The following SGCD variants were observed in gnomAD, a reference collection of about 807,000 sequenced individuals.
The protein encoded by SGCD is sarcoglycan delta, also known as delta-sarcoglycan.
A neutral mutation model predicts 36.6 loss-of-function variants in SGCD; 18 were observed. The ratio of observed to expected loss-of-function variants is 0.49; its 90% CI spans 0.34 to 0.73. SGCD has a LOEUF of 0.73. SGCD is among the 30% of genes least tolerant of loss of function. The pLI, the probability that SGCD is intolerant of heterozygous loss-of-function variation, is 0.01. For missense variants in SGCD, 387 were observed against 346.7 expected (o/e 1.12, Z -0.92); for synonymous variants, 133 against 130.6 (o/e 1.02, Z -0.12).
At chr5:156,178,676 AG>A (rs1326300460) in intron 3 of SGCD, among the ~76,000 whole-genome samples, 1 of 152,152 alleles carries the variant, frequency 6.6e-6, no homozygotes, top group Admixed American at 6.5e-5. Context: ...TCTGGGTTCA[AG>A]CAATTCTCCT....
intron 1 of SGCD, among the ~76,000 whole-genome samples, chr5:156,110,868 T>C (rs1761765870): frequency 6.6e-6 from 1 of 152,166 alleles, no homozygotes. Context: ...GATTTGACCC[T>C]GCTTGAAAAG....
intron 3 of SGCD, among the ~76,000 whole-genome samples, chr5:156,314,554 C>T (rs2127692670): frequency 6.6e-6 from 1 of 152,110 alleles, no homozygotes. Context: ...TCTACTCCAG[C>T]CTAGGCAGTA....
At chr5:156,000,617 C>T (rs1320210558) in intron 1 of SGCD, among the ~76,000 whole-genome samples, 1 of 151,960 alleles carries the variant, frequency 6.6e-6, no homozygotes, top group South Asian at 2.1e-4. Context: ...CACAATCCTG[C>T]CTTTCCTCTT....
At chr5:156,056,649 A>AAAAAAAAAAAAAAAAAAAAAAAAAAAAC (rs1760067868) in intron 1 of SGCD, among the ~76,000 whole-genome samples, 2 of 129,384 alleles carry the variant, frequency 1.5e-5, no homozygotes, top group East Asian at 4.0e-4. Context: ...TATCCTTAAA[A>AAAAAAAAAAAAAAAAAAAAAAAAAAAAC]AAAAAAAAAA....
the SGCD span, among the ~76,000 whole-genome samples, chr5:155,834,778 G>T: frequency 6.6e-6 from 1 of 151,618 alleles, no homozygotes; most frequent in Non-Finnish European, 1.5e-5. Context: ...TGTGGTAAGT[G>T]CACTGTAGCA....
chr5:156,679,929 T>G (rs1202905746), intron 7 of SGCD, among the ~76,000 whole-genome samples: 1 of 152,198 alleles, frequency 6.6e-6, no homozygotes, highest in Non-Finnish European at 1.5e-5. Flanking sequence ...CCTATCAAAG[T>G]ATTTTCTCAA....
intron 3 of SGCD, among the ~76,000 whole-genome samples, chr5:156,379,190 G>A (rs75464312): frequency 6.6e-6 from 1 of 152,138 alleles, no homozygotes; most frequent in East Asian, 1.9e-4. Flanking sequence ...CATTAAACAA[G>A]ATAAAAAGGA....
chr5:156,145,697 A>G (rs903887029), intron 3 of SGCD, among the ~76,000 whole-genome samples: 3 of 152,222 alleles, frequency 2.0e-5, no homozygotes, highest in Non-Finnish European at 4.4e-5. Context: ...CAAGAAGGAT[A>G]CACTCAAGAA....
At chr5:156,673,841 G>C (rs1193301487) in intron 7 of SGCD, among the ~76,000 whole-genome samples, 1 of 152,120 alleles carries the variant, frequency 6.6e-6, no homozygotes, top group Non-Finnish European at 1.5e-5. Flanking sequence ...ATAGATTTTT[G>C]CCATGACATG....
At chr5:155,869,844 C>T (rs896669360), upstream of SGCD, among the ~76,000 whole-genome samples, 13 of 152,150 alleles carry the variant, frequency 8.5e-5, no homozygotes, top group African/African-American at 2.9e-4. Flanking sequence ...ACTAAAAATA[C>T]AAAAATTAGC....
In SGCD at chr5:156,254,620, G is replaced by A. The variant is rs73302625; in HGVS notation, c.-43-74914G>A. 5.5e-3 allele frequency among the ~76,000 whole-genome samples: 832 copies of A among 152,262 alleles called. 12 individuals carry two copies. Among genetic ancestry groups the A allele is most frequent in the African/African-American group, 0.019 (805 of 41,546 alleles). On this transcript the variant is annotated intron_variant, in intron 3 of 9. Transcript: ENST00000517913. ...TCCCAGTGATTTGAGAGGCTGAGGT[G>A]GGAGAATGGCTTGGGCCCAGGAGTT...
At chr5:155,762,395 A>G in the SGCD span, among the ~76,000 whole-genome samples, 2 of 152,358 alleles carry the variant, frequency 1.3e-5, no homozygotes, top group Middle Eastern at 3.4e-3. Flanking sequence ...GAAAACAGCA[A>G]TAACATCTTT....
intron 3 of SGCD, among the ~76,000 whole-genome samples, chr5:156,132,458 CTTTTTTTTTTTTT>C (rs573278623): frequency 7.7e-5 from 4 of 51,796 alleles, no homozygotes; most frequent in Admixed American, 2.4e-4. Flanking sequence ...CTTACCAAGT[CTTTTTTTTTTTTT>C]TTTTTTTTTT....
chr5:156,056,659 A>AAAAAAAAAAAAAAAAAAAAACAAAAAAC (rs1330447322), intron 1 of SGCD, among the ~76,000 whole-genome samples: 4 of 141,890 alleles, frequency 2.8e-5, no homozygotes, highest in African/African-American at 1.0e-4. Flanking sequence ...AAAAAAAAAA[A>AAAAAAAAAAAAAAAAAAAAACAAAAAAC]AAAAAACAGT....
At chr5:155,945,882 G>A (rs1027904019) in intron 1 of SGCD, among the ~76,000 whole-genome samples, 2 of 152,202 alleles carry the variant, frequency 1.3e-5, no homozygotes, top group African/African-American at 4.8e-5. Context: ...TGGCTGCTTT[G>A]TAGAGAGTCA....
At chr5:155,731,225 G>C in the SGCD span, among the ~76,000 whole-genome samples, 1 of 151,980 alleles carries the variant, frequency 6.6e-6, no homozygotes, top group Non-Finnish European at 1.5e-5. Flanking sequence ...GAAAGTTACA[G>C]GGTAGACAGG....
At chr5:156,735,594 A>G (rs1159279810) in intron 7 of SGCD, among the ~76,000 whole-genome samples, 1 of 152,140 alleles carries the variant, frequency 6.6e-6, no homozygotes, top group Non-Finnish European at 1.5e-5. Flanking sequence ...TGGACTCTCC[A>G]AACAGTAAAG....
intron 2 of SGCD, among the ~76,000 whole-genome samples, chr5:156,344,198 G>A (rs940580222): frequency 6.6e-6 from 1 of 152,174 alleles, no homozygotes; most frequent in Non-Finnish European, 1.5e-5. Context: ...GGAATTCTGA[G>A]TCATTTGGAA....
intron 1 of SGCD, among the ~76,000 whole-genome samples, chr5:155,891,333 T>C (rs1756124665): frequency 6.6e-6 from 1 of 152,160 alleles, no homozygotes; most frequent in East Asian, 1.9e-4. Flanking sequence ...CTGAGCTCTG[T>C]CTTAAAAAGC....
Sources: gnomAD v4.1 joint callset for allele counts (sites outside exome capture counted in the v4.1 genomes callset) on GRCh38, gnomAD v4.1.1 for gene constraint, MANE v1.5 for transcripts, NCBI Gene and HGNC (gene_info 2026-07-23, HGNC 2026-07-21) for gene names.